Variants in TULP4 observed in about 807,000 individuals in gnomAD.
TULP4 encodes the protein tubby-related protein 4.
TULP4 carries 16 observed loss-of-function variants against 129.0 expected under a neutral mutation model. The observed-to-expected ratio is 0.12, with a 90% CI of 0.08 to 0.19. TULP4 has a LOEUF of 0.19. Among genes scored for constraint, TULP4 ranks in the 10% least tolerant of loss-of-function variants. The pLI is 1.00. For missense variants in TULP4, 1,842 were observed against 2,059.1 expected (o/e 0.89, Z 2.04); for synonymous variants, 998 against 854.0 (o/e 1.17, Z -2.94).
chr6:158,479,009 C>T (rs1779878294), intron 6 of TULP4, among the ~76,000 whole-genome samples: 1 of 152,098 alleles, frequency 6.6e-6, no homozygotes, highest in African/African-American at 2.4e-5. Context: ...TGTGATGGCC[C>T]CAGAAGGGCT....
chr6:158,328,584 A>G (rs1779801605), intron 1 of TULP4, among the ~76,000 whole-genome samples: 1 of 151,956 alleles, frequency 6.6e-6, no homozygotes, highest in African/African-American at 2.4e-5. Context: ...TCAGCAGGGG[A>G]GAGGAGTGCC....
chr6:158,281,676 A>G (rs528173859), upstream of TULP4, among the ~76,000 whole-genome samples: 13 of 152,036 alleles, frequency 8.6e-5, no homozygotes, highest in Admixed American at 5.2e-4. Context: ...TCTCTTTTCT[A>G]TTTTGTTCAT....
chr6:158,449,709 TCTAAAAGAC>T (rs1779126582), intron 4 of TULP4, among the ~76,000 whole-genome samples: 1 of 152,050 alleles, frequency 6.6e-6, no homozygotes, highest in East Asian at 1.9e-4. Context: ...CCTCCTCAGG[TCTAAAAGAC>T]CTACTGCCTC....
chr6:158,475,465 AAT>A (rs1456335183), intron 6 of TULP4, among the ~76,000 whole-genome samples: 2 of 152,258 alleles, frequency 1.3e-5, no homozygotes, highest in African/African-American at 4.8e-5. Flanking sequence ...CAGTTCTAAA[AAT>A]AGTCGTTTTA....
chr6:158,482,124 G>T lies in TULP4; in HGVS notation c.1486+835G>T, dbSNP rs186057811. 1.2e-4 allele frequency among the ~76,000 whole-genome samples: 18 copies of T among 152,300 alleles called. 1 individual carries two copies. The highest frequency in any genetic ancestry group is 8.3e-4 in the South Asian group (4 of 4,826). On this transcript the variant is annotated intron_variant, in intron 8 of 13. Coordinates refer to ENST00000367097, the MANE Select transcript of TULP4 (RefSeq NM_020245.5). Reference sequence around the variant, plus strand: ...CTGAGTCATCTTTGTGCCCTCAGTGGATTTGGATTTGTTTTCATTAGTTCA... The same window carrying T: ...CTGAGTCATCTTTGTGCCCTCAGTGTATTTGGATTTGTTTTCATTAGTTCA...
At chr6:158,410,399 T>C (rs1330926759) in intron 1 of TULP4, among the ~76,000 whole-genome samples, 1 of 152,218 alleles carries the variant, frequency 6.6e-6, no homozygotes, top group African/African-American at 2.4e-5. Context: ...CTCTCTCCTC[T>C]GGAGTATGAC....
At chr6:158,292,129 A>G (rs1292270373) in intron 1 of TULP4, among the ~76,000 whole-genome samples, 1 of 152,206 alleles carries the variant, frequency 6.6e-6, no homozygotes, top group Admixed American at 6.5e-5. Flanking sequence ...TTGCTCTGAT[A>G]TACAAGGATG....
At chr6:158,242,282 T>TG in intron 1 of TULP4, 1 of 1,543,222 alleles carries the variant, frequency 6.5e-7, no homozygotes. Flanking sequence ...GCACATGCAG[T>TG]GTTTAGCACA....
intron 1 of TULP4, among the ~76,000 whole-genome samples, chr6:158,300,198 G>A (rs1779108842): frequency 6.6e-6 from 1 of 152,092 alleles, no homozygotes; most frequent in South Asian, 2.1e-4. Flanking sequence ...ACCCAGACAG[G>A]GGATTGATGA....
chr6:158,483,179 T>C (rs1254663050), intron 8 of TULP4, among the ~76,000 whole-genome samples: 1 of 152,196 alleles, frequency 6.6e-6, no homozygotes, highest in Non-Finnish European at 1.5e-5. Flanking sequence ...TTGAAAAGTT[T>C]AATTAAAAAG....
chr6:158,307,625 G>A (rs776171639), upstream of TULP4, among the ~76,000 whole-genome samples: 2 of 152,142 alleles, frequency 1.3e-5, no homozygotes, highest in African/African-American at 2.4e-5. Flanking sequence ...GGGACTACGG[G>A]CACCTGCCAC....
At chr6:158,442,805 T>C (rs1182969293) in intron 3 of TULP4, among the ~76,000 whole-genome samples, 1 of 140,146 alleles carries the variant, frequency 7.1e-6, no homozygotes, top group African/African-American at 2.5e-5. Context: ...ATACTCCAAT[T>C]AAATGGTTGG....
At chr6:158,245,159 ATT>A (rs76155193) in intron 1 of TULP4, among the ~76,000 whole-genome samples, 11 of 136,334 alleles carry the variant, frequency 8.1e-5, no homozygotes, top group East Asian at 2.1e-4. Context: ...GGTCAATTAA[ATT>A]TTTTTTTTTT....
At chr6:158,461,213 A>C (rs1392622839) in intron 5 of TULP4, among the ~76,000 whole-genome samples, 1 of 152,184 alleles carries the variant, frequency 6.6e-6, no homozygotes. Flanking sequence ...GGAGTTCGAG[A>C]CCAGCCTGAC....
intron 1 of TULP4, among the ~76,000 whole-genome samples, chr6:158,353,000 T>C (rs1292895260): frequency 6.6e-6 from 1 of 152,218 alleles, no homozygotes; most frequent in East Asian, 1.9e-4. Context: ...TTTACAATCA[T>C]TTTTTATTCG....
Position 158,385,850 on chromosome 6 carries a change from T to TTTTTTTTTTTTTTTTTTTG in TULP4, c.253-27203_253-27202insTTTTTTGTTTTTTTTTTTT, listed in dbSNP as rs1389612862. The stretch of plus-strand genomic sequence containing the variant: ...CTACAAATGTGGAATATCTTTTTTT[T>TTTTTTTTTTTTTTTTTTTG]TTTTTTTTTTTTGAGAAAAAGTCTC... On this transcript the variant is annotated intron_variant, in intron 1 of 13. Coordinates refer to ENST00000367097, the MANE Select transcript of TULP4 (RefSeq NM_020245.5). Among the ~76,000 whole-genome samples, 2 of 134,966 alleles carry TTTTTTTTTTTTTTTTTTTG rather than the reference T, an allele frequency of 1.5e-5. 1 individual carries two copies. The allele number at this position is 134,966 out of a possible 152,430, so 88.5% of individuals were successfully genotyped here.
At chr6:158,319,205 GT>G (rs1406005194) in intron 1 of TULP4, among the ~76,000 whole-genome samples, 1 of 152,146 alleles carries the variant, frequency 6.6e-6, no homozygotes, top group Non-Finnish European at 1.5e-5. Context: ...GCCCAGACCT[GT>G]GGGTGGCACT....
intron 1 of TULP4, among the ~76,000 whole-genome samples, chr6:158,344,777 C>T (rs1388700009): frequency 6.6e-6 from 1 of 152,130 alleles, no homozygotes; most frequent in Non-Finnish European, 1.5e-5. Flanking sequence ...AAGGAAGAAT[C>T]ACAGGTCTCT....
intron 3 of TULP4, among the ~76,000 whole-genome samples, chr6:158,441,517 G>A (rs17580913): frequency 0.039 from 6,006 of 152,258 alleles, 171 homozygotes; most frequent in Middle Eastern, 0.082. Context: ...GCCAGATGGT[G>A]AACTACAAAA....
Sources: gnomAD v4.1 joint callset for allele counts (sites outside exome capture counted in the v4.1 genomes callset) on GRCh38, gnomAD v4.1.1 for gene constraint, MANE v1.5 for transcripts, NCBI Gene and HGNC (gene_info 2026-07-23, HGNC 2026-07-21) for gene names.